PCDH9: variants seen among roughly 807,000 people sequenced by gnomAD.
PCDH9 encodes the protein protocadherin-9.
Under a neutral mutation model 70.6 loss-of-function variants are expected in PCDH9, and 24 were observed. The observed-to-expected ratio is 0.34, with a 90% CI of 0.25 to 0.48. PCDH9 has a LOEUF of 0.48. Ranked by LOEUF, PCDH9 falls within the 20% of genes least tolerant of loss-of-function variation. PCDH9 has a pLI of 0.99. For missense variants in PCDH9, 1,281 were observed against 1,503.6 expected (o/e 0.85, Z 2.45); for synonymous variants, 562 against 558.5 (o/e 1.01, Z -0.09).
intron 2 of PCDH9, among the ~76,000 whole-genome samples, chr13:67,072,151 G>T (rs1157413114): frequency 6.6e-6 from 1 of 152,052 alleles, no homozygotes; most frequent in Admixed American, 6.6e-5. Context: ...ATGGCACCTA[G>T]GCACTGAGTA....
chr13:66,604,847 TGG>T (rs1327799784), intron 4 of PCDH9, among the ~76,000 whole-genome samples: 1 of 151,964 alleles, frequency 6.6e-6, no homozygotes, highest in Non-Finnish European at 1.5e-5. Context: ...TCTCTGCTGG[TGG>T]GGACAATAGC....
At chr13:66,621,491 T>TAAG (rs1388295356) in intron 4 of PCDH9, among the ~76,000 whole-genome samples, 1 of 152,282 alleles carries the variant, frequency 6.6e-6, no homozygotes, top group African/African-American at 2.4e-5. Context: ...GGAAAAGGTA[T>TAAG]AAGGTTCATG....
intron 2 of PCDH9, among the ~76,000 whole-genome samples, chr13:67,165,501 C>G (rs2088087334): frequency 6.6e-6 from 1 of 152,092 alleles, no homozygotes; most frequent in Admixed American, 6.5e-5. Context: ...TTCCCACTAA[C>G]TCTGATATTG....
chr13:66,374,649 T>C (rs983184131), intron 4 of PCDH9, among the ~76,000 whole-genome samples: 2 of 152,060 alleles, frequency 1.3e-5, no homozygotes, highest in Non-Finnish European at 2.9e-5. Context: ...CACTTCTCTC[T>C]GCCTGCTGTG....
intron 4 of PCDH9, among the ~76,000 whole-genome samples, chr13:66,615,894 T>C (rs903914952): frequency 3.3e-5 from 5 of 152,230 alleles, no homozygotes; most frequent in Admixed American, 2.0e-4. Context: ...TATCTGTGGG[T>C]ATTCTTATGG....
At chr13:66,826,161 C>A (rs975518375) in intron 3 of PCDH9, among the ~76,000 whole-genome samples, 2 of 152,078 alleles carry the variant, frequency 1.3e-5, no homozygotes, top group Non-Finnish European at 2.9e-5. Flanking sequence ...ATAACATATT[C>A]AAAAACTTAA....
At chr13:67,055,600 C>T (rs766231523) in intron 2 of PCDH9, among the ~76,000 whole-genome samples, 19 of 151,330 alleles carry the variant, frequency 1.3e-4, no homozygotes, top group Non-Finnish European at 1.9e-4. Flanking sequence ...TCAGTTGAGG[C>T]CAGGTGTTCA....
chr13:67,076,157 A>C (rs1185695606), intron 2 of PCDH9, among the ~76,000 whole-genome samples: 1 of 152,150 alleles, frequency 6.6e-6, no homozygotes, highest in Non-Finnish European at 1.5e-5. Context: ...CATGTTGAGC[A>C]CTTTCTATGT....
intron 3 of PCDH9, among the ~76,000 whole-genome samples, chr13:66,862,605 T>G (rs1566248607): frequency 6.6e-6 from 1 of 152,238 alleles, no homozygotes; most frequent in Admixed American, 6.5e-5. Flanking sequence ...GCTAGTTTTA[T>G]AGTAGTGCAA....
intron 4 of PCDH9, among the ~76,000 whole-genome samples, chr13:66,501,089 C>G (rs965782624): frequency 8.6e-5 from 13 of 152,024 alleles, no homozygotes; most frequent in African/African-American, 2.7e-4. Context: ...GAACTTCTAA[C>G]TTTAATCAGC....
At chr13:66,873,947 T>TA (rs532579251) in intron 3 of PCDH9, among the ~76,000 whole-genome samples, 3 of 148,216 alleles carry the variant, frequency 2.0e-5, no homozygotes, top group Non-Finnish European at 4.5e-5. Flanking sequence ...TTTCTTTTTT[T>TA]TTTTTTTATG....
chr13:66,377,160 A>G (rs1956763910), intron 4 of PCDH9, among the ~76,000 whole-genome samples: 1 of 152,162 alleles, frequency 6.6e-6, no homozygotes, highest in African/African-American at 2.4e-5. Context: ...TTGCATGCAC[A>G]TGGACCGAAG....
At chr13:66,775,467 G>A (rs367961878) in intron 3 of PCDH9, among the ~76,000 whole-genome samples, 13 of 152,236 alleles carry the variant, frequency 8.5e-5, no homozygotes, top group East Asian at 3.9e-4. Flanking sequence ...TTTGAACTGC[G>A]TGGATCCACT....
rs1384688273 is a variant in PCDH9 at position 67,222,606 on chromosome 13, C to T, written c.3036+2799G>A. 2.0e-5 allele frequency: 3 copies of T among 152,192 alleles called. No homozygotes were observed. The East Asian group carries it at 5.8e-4, about 29-fold the overall frequency. The allele number at this position is 152,192 out of a possible 1,614,324, so 9.4% of individuals were successfully genotyped here. A position where few individuals can be genotyped will look rare whatever the true frequency, so the allele number is the denominator to read the frequency against. On this transcript the variant is annotated intron_variant, in intron 2 of 4. Transcript: ENST00000377865. The stretch of plus-strand genomic sequence containing the variant: ...GGTAAGCTTTTAACCAAGAATCTTG[C>T]ATTTTACCCACATATCAATTAATAG...
chr13:66,401,097 A>G lies in PCDH9; in HGVS notation c.3341-96069T>C, dbSNP rs1175812531. Reference sequence around the variant, plus strand: ...ATGGTATGATTATGTGGTATGCAATAGTATGATTATGCTGGTTTAATCTTA... The same window carrying G: ...ATGGTATGATTATGTGGTATGCAATGGTATGATTATGCTGGTTTAATCTTA... On this transcript the variant is annotated intron_variant, in intron 4 of 4. Transcript: ENST00000377865. Among the ~76,000 whole-genome samples, 3 of 152,226 alleles carry G rather than the reference A, an allele frequency of 2.0e-5. No homozygotes were observed. In the East Asian group the frequency reaches 5.8e-4, roughly 29 times the overall value.
intron 2 of PCDH9, among the ~76,000 whole-genome samples, chr13:67,188,466 T>A (rs971064009): frequency 6.6e-6 from 1 of 152,096 alleles, no homozygotes; most frequent in Non-Finnish European, 1.5e-5. Flanking sequence ...GCATGGGAGG[T>A]ATAATTCCTC....
intron 3 of PCDH9, among the ~76,000 whole-genome samples, chr13:66,717,557 C>T (rs568173109): frequency 7.3e-6 from 1 of 136,786 alleles, no homozygotes; most frequent in Non-Finnish European, 1.5e-5. Flanking sequence ...GTCTCGCATA[C>T]AACTGCAACT....
chr13:66,714,121 G>A (rs1275470152), intron 3 of PCDH9, among the ~76,000 whole-genome samples: 2 of 152,050 alleles, frequency 1.3e-5, no homozygotes, highest in Non-Finnish European at 2.9e-5. Context: ...TTTATATTAG[G>A]TTATAGCTGT....
chr13:66,759,927 C>T (rs2079597798), intron 3 of PCDH9, among the ~76,000 whole-genome samples: 2 of 152,074 alleles, frequency 1.3e-5, no homozygotes, highest in African/African-American at 4.8e-5. Flanking sequence ...CTGTGTAGTT[C>T]ATTTTAGCAG....
Sources: allele counts gnomAD v4.1 joint callset (sites outside exome capture counted in the v4.1 genomes callset), GRCh38; gene constraint gnomAD v4.1.1; transcripts MANE v1.5; gene names NCBI Gene and HGNC (gene_info 2026-07-23, HGNC 2026-07-21).